The following MREG variants were observed in gnomAD, a reference collection of about 807,000 sequenced individuals.
MREG encodes the protein melanoregulin.
Under a neutral mutation model 28.5 loss-of-function variants are expected in MREG, and 31 were observed. The ratio of observed to expected loss-of-function variants is 1.09; its 90% confidence interval spans 0.82 to 1.47. The LOEUF (loss-of-function observed/expected upper bound fraction) is 1.47, where lower values mean the gene tolerates loss of function less well. Ranked by LOEUF, MREG falls within the 40% of genes most tolerant of loss-of-function variation. The pLI, the probability that MREG is intolerant of heterozygous loss-of-function variation, is 0.00. For missense variants in MREG, 256 were observed against 257.4 expected, an observed-to-expected ratio of 0.99 and a Z score of 0.04; for synonymous variants, 106 against 95.2, an observed-to-expected ratio of 1.11 and a Z score of -0.66.
intron 2 of MREG, among the ~76,000 whole-genome samples, chr2:215,981,506 T>C (rs971231857): frequency 6.6e-6 from 1 of 152,190 alleles, no homozygotes; most frequent in Non-Finnish European, 1.5e-5. Flanking sequence ...GGGGAGTTAT[T>C]GTCTAGTGGG....
intron 1 of MREG, among the ~76,000 whole-genome samples, chr2:216,026,610 C>T (rs899560847): frequency 3.3e-5 from 5 of 152,166 alleles, no homozygotes; most frequent in African/African-American, 1.2e-4. Flanking sequence ...ATCCACCCGC[C>T]TCTGCCTCAC....
intron 2 of MREG, among the ~76,000 whole-genome samples, chr2:215,948,132 T>C (rs1482593146): frequency 1.3e-5 from 2 of 152,218 alleles, no homozygotes; most frequent in Non-Finnish European, 2.9e-5. Context: ...ATGATGCCAT[T>C]ATTTCTCTAC....
intron 2 of MREG, among the ~76,000 whole-genome samples, chr2:215,959,818 T>G (rs1045133876): frequency 6.6e-6 from 1 of 152,200 alleles, no homozygotes; most frequent in Non-Finnish European, 1.5e-5. Context: ...TAAATCCTAC[T>G]CACCCTTCAA....
intron 2 of MREG, among the ~76,000 whole-genome samples, chr2:215,973,070 G>C (rs892469860): frequency 6.6e-6 from 1 of 152,190 alleles, no homozygotes; most frequent in African/African-American, 2.4e-5. Context: ...ACCAAAAGGG[G>C]CACAGCCAGA....
At chr2:215,969,482 T>C (rs1359561823) in intron 2 of MREG, among the ~76,000 whole-genome samples, 1 of 152,212 alleles carries the variant, frequency 6.6e-6, no homozygotes, top group Non-Finnish European at 1.5e-5. Context: ...GAAACGAGAT[T>C]CCTGGATCAG....
Position 215,943,202 on chromosome 2 carries a change from T to C in MREG, c.*1661A>G, listed in dbSNP as rs1314220655. The C allele has an allele frequency of 1.5e-5, 4 of 274,954 alleles. No individual in the cohort carries two copies. Among genetic ancestry groups the C allele is most frequent in the Non-Finnish European group, 2.9e-5 (4 of 136,496 alleles). 17.0% of individuals were successfully genotyped at this position (274,954 alleles called of 1,614,324 possible). On this transcript the variant is annotated 3_prime_UTR_variant, in exon 5 of 5. Transcript: ENST00000263268. ...AAAATATTTCCATTTTTCTCAGCAA[T>C]CTATGGATTAACCTTACAAATCCTT... is the stretch of plus-strand genomic sequence containing the variant.
rs536430222 is a variant in MREG, at chr2:216,027,563, C to T, written c.-68+5226G>A. The stretch of plus-strand genomic sequence containing the variant: ...CAAAAATTAGCTGGGCATGGTGGCA[C>T]ATGCCTGTAATCCCAGCTACTTGGG... On this transcript the variant is annotated intron_variant, in intron 1 of 3. Transcript: ENST00000420348. 1.8e-4 allele frequency among the ~76,000 whole-genome samples: 27 copies of T among 152,256 alleles called. No homozygotes were observed. The East Asian group carries it at 4.0e-3, about 23-fold the overall frequency.
chr2:216,009,705 T>A (rs148048745), intron 1 of MREG, among the ~76,000 whole-genome samples: 4,449 of 152,172 alleles, frequency 0.029, 92 homozygotes, highest in Non-Finnish European at 0.044. Flanking sequence ...CCGGCTAATT[T>A]TTTTTATTTT....
At chr2:215,995,969 G>T (rs566861559) in intron 2 of MREG, among the ~76,000 whole-genome samples, 79 of 152,200 alleles carry the variant, frequency 5.2e-4, no homozygotes, top group African/African-American at 1.8e-3. Flanking sequence ...AATCAAGTAA[G>T]TGTGGCTTAC....
intron 2 of MREG, among the ~76,000 whole-genome samples, chr2:215,949,938 T>C (rs146063419): frequency 6.6e-6 from 1 of 152,378 alleles, no homozygotes; most frequent in East Asian, 1.9e-4. Context: ...TTATGTAAGT[T>C]GCCTTAACTC....
intron 1 of MREG, among the ~76,000 whole-genome samples, chr2:216,021,500 C>G (rs1156501355): frequency 6.6e-6 from 1 of 152,144 alleles, no homozygotes; most frequent in Non-Finnish European, 1.5e-5. Flanking sequence ...AAGAGACACT[C>G]GCTTTTGGGG....
intron 2 of MREG, among the ~76,000 whole-genome samples, chr2:215,964,486 A>AAAAGAAAG (rs111383315): frequency 2.1e-4 from 32 of 150,472 alleles, no homozygotes; most frequent in African/African-American, 4.6e-4. Flanking sequence ...TGTCTCAAAA[A>AAAAGAAAG]AAAGAAAGAA....
intron 1 of MREG, among the ~76,000 whole-genome samples, chr2:216,019,507 C>CT (rs373116320): frequency 0.014 from 1,985 of 141,120 alleles, 12 homozygotes; most frequent in Non-Finnish European, 0.021. Flanking sequence ...ATTTTCAAAC[C>CT]TTTTTTTTTT....
At chr2:215,966,448 A>C (rs1192517525) in intron 2 of MREG, among the ~76,000 whole-genome samples, 12 of 152,154 alleles carry the variant, frequency 7.9e-5, no homozygotes, top group Non-Finnish European at 1.8e-4. Flanking sequence ...AATCACCCCA[A>C]GCACATCTAG....
At chr2:215,999,562 G>A (rs1484341936) in intron 1 of MREG, among the ~76,000 whole-genome samples, 1 of 152,206 alleles carries the variant, frequency 6.6e-6, no homozygotes, top group Non-Finnish European at 1.5e-5. Flanking sequence ...AAGGAAGATT[G>A]TTTGAGGTAC....
chr2:216,026,318 T>C (rs998827563), intron 1 of MREG, among the ~76,000 whole-genome samples: 5 of 152,222 alleles, frequency 3.3e-5, no homozygotes, highest in Admixed American at 6.5e-5. Context: ...TGAATGCCAC[T>C]GGATCATTCA....
chr2:215,961,024 C>T (rs982098549), intron 2 of MREG, among the ~76,000 whole-genome samples: 72 of 152,260 alleles, frequency 4.7e-4, no homozygotes, highest in African/African-American at 1.7e-3. Flanking sequence ...ACTGTCTGCC[C>T]TAACCTCAGC....
At chr2:215,988,469 G>A (rs573183299) in intron 2 of MREG, among the ~76,000 whole-genome samples, 9 of 152,268 alleles carry the variant, frequency 5.9e-5, no homozygotes, top group Admixed American at 2.0e-4. Context: ...CGAAGTGGCC[G>A]GTTCACCAGA....
chr2:216,015,168 C>T (rs962008139), upstream of MREG, among the ~76,000 whole-genome samples: 3 of 77,020 alleles, frequency 3.9e-5, no homozygotes, highest in South Asian at 3.8e-4. Context: ...TGCGCGCGCG[C>T]GTGCGTGTGT....
Sources: gnomAD v4.1 joint callset for allele counts (sites outside exome capture counted in the v4.1 genomes callset) on GRCh38, gnomAD v4.1.1 for gene constraint, MANE v1.5 for transcripts, NCBI Gene and HGNC (gene_info 2026-07-23, HGNC 2026-07-21) for gene names.